The following EGLN1 variants were observed in gnomAD, a reference collection of about 807,000 sequenced individuals.
The protein encoded by EGLN1 is egl-9 family hypoxia inducible factor 1, also known as egl nine homolog 1.
EGLN1 carries 17 observed loss-of-function variants against 38.3 expected under a neutral mutation model. The ratio of observed to expected loss-of-function variants is 0.44; its 90% CI spans 0.30 to 0.67. The LOEUF is 0.67. Ranked by LOEUF, EGLN1 falls within the 30% of genes least tolerant of loss-of-function variation. EGLN1 has a pLI of 0.08. For synonymous variants in EGLN1, 283 were observed against 257.5 expected (o/e 1.10, Z -0.95); for missense variants, 477 against 603.3 (o/e 0.79, Z 2.19).
At chr1:231,390,504 CTAACT>C (rs1226675156) in intron 1 of EGLN1, among the ~76,000 whole-genome samples, 3 of 152,178 alleles carry the variant, frequency 2.0e-5, no homozygotes, top group African/African-American at 7.2e-5. Flanking sequence ...CTTAGAATGG[CTAACT>C]TAACTGAGGT....
At chr1:231,401,096 T>C (rs1688653517) in intron 1 of EGLN1, among the ~76,000 whole-genome samples, 1 of 152,002 alleles carries the variant, frequency 6.6e-6, no homozygotes, top group Non-Finnish European at 1.5e-5. Context: ...ATGCATACAG[T>C]GAGATCAAGT....
intron 1 of EGLN1, among the ~76,000 whole-genome samples, chr1:231,420,733 C>G (rs1395726459): frequency 4.6e-5 from 7 of 152,130 alleles, no homozygotes; most frequent in African/African-American, 1.7e-4. Context: ...AAAGTTAAAG[C>G]GCCTACGTTG....
At chr1:231,372,794 C>A (rs1687860519) in intron 2 of EGLN1, among the ~76,000 whole-genome samples, 1 of 152,174 alleles carries the variant, frequency 6.6e-6, no homozygotes, top group South Asian at 2.1e-4. Context: ...ATATTCTAAA[C>A]TTAAAACACT....
At chr1:231,391,084 T>TC (rs1688358011) in intron 1 of EGLN1, among the ~76,000 whole-genome samples, 2 of 23,784 alleles carry the variant, frequency 8.4e-5, no homozygotes, top group African/African-American at 2.3e-4. Context: ...ACTCATTCTG[T>TC]TTTTTTTTTG....
intron 1 of EGLN1, among the ~76,000 whole-genome samples, chr1:231,389,820 C>T (rs2749703): frequency 0.55 from 82,947 of 152,046 alleles, 24,253 homozygotes; most frequent in Non-Finnish European, 0.65. Context: ...TGGTGGCAAG[C>T]GCCTGTAGCC....
In EGLN1 at chr1:231,365,934, A is replaced by G. The variant is rs1439632745; in HGVS notation, c.*477T>C. Reference sequence around the variant, plus strand: ...TAAGAGGTCTTTTAGGGCAAAATTTAATAGTATGAACAGGTTTACAAAAAT... The same window carrying G: ...TAAGAGGTCTTTTAGGGCAAAATTTGATAGTATGAACAGGTTTACAAAAAT... On this transcript the variant is annotated 3_prime_UTR_variant, in exon 5 of 5. Transcript: ENST00000366641. 6.4e-6 allele frequency: 1 copy of G among 157,178 alleles called. No individual in the cohort carries two copies. The highest frequency in any genetic ancestry group is 1.9e-4 in the East Asian group (1 of 5,336). 9.7% of individuals were successfully genotyped at this position (157,178 alleles called of 1,614,324 possible). A position where few individuals can be genotyped will look rare whatever the true frequency, so the allele number is the denominator to read the frequency against.
chr1:231,389,963 C>G lies in EGLN1; in HGVS notation c.892-15864G>C, dbSNP rs1044482136. Among the ~76,000 whole-genome samples the G allele has an allele frequency of 3.9e-5, 6 of 151,930 alleles. No individual in the cohort carries two copies. In the South Asian group the frequency reaches 1.0e-3, roughly 27 times the overall value. On this transcript the variant is annotated intron_variant, in intron 1 of 4. Coordinates refer to ENST00000366641, the MANE Select transcript of EGLN1 (RefSeq NM_022051.3). ...TGCTCTCTGAAAACAAACAAACAAA[C>G]AAACAACAACAACAACAAAAGAACA...
At chr1:231,420,422 CAG>C (rs1181493819) in intron 1 of EGLN1, 6 of 168,870 alleles carry the variant, frequency 3.6e-5, no homozygotes, top group Admixed American at 5.5e-5. Flanking sequence ...AGAGCTATAA[CAG>C]GGGGAGGGGA....
At chr1:231,414,606 T>C (rs1689029307) in intron 1 of EGLN1, among the ~76,000 whole-genome samples, 2 of 151,996 alleles carry the variant, frequency 1.3e-5, no homozygotes, top group Admixed American at 1.3e-4. Context: ...AAATTTAAAC[T>C]AGAATGTCAG....
rs376098037 is a variant in EGLN1, at chr1:231,407,612, T to G, written c.891+13386A>C. On this transcript the variant is annotated intron_variant, in intron 1 of 4. Transcript: ENST00000366641. The stretch of plus-strand genomic sequence containing the variant: ...ATTATGCTGTTTTGTTTTGAAGGAT[T>G]CACACACCATTGGTAGGGGTGAGGG... Among the ~76,000 whole-genome samples, 4 of 152,258 alleles carry G rather than the reference T, an allele frequency of 2.6e-5. No individual in the cohort carries two copies. In the East Asian group the frequency reaches 7.8e-4, roughly 30 times the overall value.
intron 1 of EGLN1, among the ~76,000 whole-genome samples, chr1:231,402,805 G>T (rs939932095): frequency 6.6e-6 from 1 of 150,966 alleles, no homozygotes; most frequent in Non-Finnish European, 1.5e-5. Context: ...AAGGGTCAAG[G>T]TTTATTTTTT....
chr1:231,379,766 C>T (rs1688036907), intron 1 of EGLN1, among the ~76,000 whole-genome samples: 1 of 152,216 alleles, frequency 6.6e-6, no homozygotes, highest in Non-Finnish European at 1.5e-5. Context: ...CTTGCATGCT[C>T]CACACAGACA....
At chr1:231,399,308 A>T (rs1440508451) in intron 1 of EGLN1, among the ~76,000 whole-genome samples, 2 of 152,232 alleles carry the variant, frequency 1.3e-5, no homozygotes, top group African/African-American at 2.4e-5. Flanking sequence ...ACAGATTAGA[A>T]ATCTAAGTTT....
chr1:231,373,893 GAC>G, intron 2 of EGLN1, 85 bp downstream of exon 2: 1 of 1,491,476 alleles, frequency 6.7e-7, no homozygotes, highest in Non-Finnish European at 9.3e-7. Flanking sequence ...CTGTGTCTGT[GAC>G]AGTCTTATCA....
chr1:231,406,165 C>CAAAAAAAAAAAAAAA (rs5781651), intron 1 of EGLN1, among the ~76,000 whole-genome samples: 19 of 139,118 alleles, frequency 1.4e-4, no homozygotes, highest in African/African-American at 5.2e-4. Flanking sequence ...GACTCCGTCT[C>CAAAAAAAAAAAAAAA]AAAAAAAAAA....
chr1:231,415,009 C>T (rs1167018123), intron 1 of EGLN1, among the ~76,000 whole-genome samples: 1 of 152,052 alleles, frequency 6.6e-6, no homozygotes, highest in Non-Finnish European at 1.5e-5. Context: ...GCTAGGATTA[C>T]AGGCATGAGC....
chr1:231,378,470 T>C (rs1163465850), intron 1 of EGLN1, among the ~76,000 whole-genome samples: 1 of 152,214 alleles, frequency 6.6e-6, no homozygotes, highest in Admixed American at 6.5e-5. Flanking sequence ...TGTTCTTTTT[T>C]ACGTTTTCAG....
intron 1 of EGLN1, among the ~76,000 whole-genome samples, chr1:231,416,659 G>A (rs1438629633): frequency 6.6e-6 from 1 of 152,028 alleles, no homozygotes; most frequent in Non-Finnish European, 1.5e-5. Context: ...AGCCACTAAA[G>A]CCCAGCCTAA....
At chr1:231,391,092 TTGTGTG>T (rs763284659) in intron 1 of EGLN1, among the ~76,000 whole-genome samples, 17 of 67,324 alleles carry the variant, frequency 2.5e-4, no homozygotes, top group African/African-American at 7.1e-4. Context: ...TGTTTTTTTT[TTGTGTG>T]TGTGTGTGTG....
Sources: allele counts gnomAD v4.1 joint callset (sites outside exome capture counted in the v4.1 genomes callset), GRCh38; gene constraint gnomAD v4.1.1; transcripts MANE v1.5; gene names NCBI Gene and HGNC (gene_info 2026-07-23, HGNC 2026-07-21).